Variants in ANO3 observed in about 807,000 individuals in gnomAD.
ANO3 encodes anoctamin 3.
In ANO3, 99 loss-of-function variants were observed where a neutral mutation model predicts 144.8. The observed-to-expected ratio is 0.68, with a 90% CI of 0.58 to 0.81. The LOEUF is 0.81. Among genes scored for constraint, ANO3 ranks in the 30% least tolerant of loss-of-function variants. The pLI is 0.00. For missense variants in ANO3, 905 were observed against 1,202.2 expected (o/e 0.75, Z 3.66); for synonymous variants, 414 against 392.6 (o/e 1.05, Z -0.64).
At chr11:26,546,030 A>G (rs978543225) in intron 11 of ANO3, among the ~76,000 whole-genome samples, 4 of 151,926 alleles carry the variant, frequency 2.6e-5, no homozygotes, top group Non-Finnish European at 5.9e-5. Flanking sequence ...TATCATACTG[A>G]TATAGATAAT....
chr11:26,237,898 C>T (rs1852570683), intron 1 of ANO3, among the ~76,000 whole-genome samples: 1 of 152,062 alleles, frequency 6.6e-6, no homozygotes, highest in South Asian at 2.1e-4. Context: ...GTGTTTATGA[C>T]TGTCACAAGT....
chr11:26,657,275 A>G (rs1853718136), intron 26 of ANO3, among the ~76,000 whole-genome samples: 1 of 152,158 alleles, frequency 6.6e-6, no homozygotes, highest in Non-Finnish European at 1.5e-5. Flanking sequence ...TTTTTAGTGA[A>G]GTATCCTTCA....
upstream of ANO3, among the ~76,000 whole-genome samples, chr11:26,305,575 A>T (rs1032158074): frequency 1.3e-5 from 2 of 152,158 alleles, no homozygotes; most frequent in Non-Finnish European, 2.9e-5. Flanking sequence ...AGTAGTCTGC[A>T]GAGACTTTTT....
intron 4 of ANO3, among the ~76,000 whole-genome samples, chr11:26,486,360 C>CAAAAAAAAAA (rs10681114): frequency 2.7e-5 from 2 of 74,334 alleles, no homozygotes; most frequent in Non-Finnish European, 5.2e-5. Flanking sequence ...GACTCTGTCT[C>CAAAAAAAAAA]AAAAAAAAAA....
rs980306523 is a variant in ANO3 at position 26,297,432 on chromosome 11, A to G, written c.155-12213A>G. On this transcript the variant is annotated intron_variant, in intron 1 of 27. Transcript: ENST00000672621. Reference sequence around the variant, plus strand: ...CTTGCATAAGCCATAAGCACTTGTAATTATGCGGAACACAGGCAGTGGGCT... The same window carrying G: ...CTTGCATAAGCCATAAGCACTTGTAGTTATGCGGAACACAGGCAGTGGGCT... Among the ~76,000 whole-genome samples the G allele has an allele frequency of 3.3e-5, 5 of 152,178 alleles. No individual in the cohort carries two copies. The East Asian group carries it at 9.6e-4, about 29-fold the overall frequency.
intron 4 of ANO3, among the ~76,000 whole-genome samples, chr11:26,480,822 T>C (rs1860186467): frequency 6.6e-6 from 1 of 151,708 alleles, no homozygotes; most frequent in South Asian, 2.1e-4. Flanking sequence ...ACAATATAAA[T>C]AAATAAATAA....
At chr11:26,521,856 T>C (rs1413559189) in intron 6 of ANO3, among the ~76,000 whole-genome samples, 1 of 152,160 alleles carries the variant, frequency 6.6e-6, no homozygotes, top group East Asian at 1.9e-4. Context: ...CCCACAAATA[T>C]TTTAAACAAA....
rs1554967685 is a variant in ANO3 at position 26,544,251 on chromosome 11, C to CATAT, written c.1154+2203_1154+2206dup. Among the ~76,000 whole-genome samples the CATAT allele has an allele frequency of 3.5e-3, 133 of 38,460 alleles. 7 individuals carry two copies. The highest frequency in any genetic ancestry group is 0.025 in the Middle Eastern group (1 of 40). 25.2% of individuals were successfully genotyped at this position (38,460 alleles called of 152,430 possible). A position where few individuals can be genotyped will look rare whatever the true frequency, so the allele number is the denominator to read the frequency against. ...TAAGGTTAAGTAGTATTTCATTATACATATATATATATATATATATATACA... is the reference window on the plus strand; with the variant it reads ...TAAGGTTAAGTAGTATTTCATTATACATATATATATATATATATATATATATACA... On this transcript the variant is annotated intron_variant, in intron 11 of 26. Transcript: ENST00000256737.
chr11:26,553,610 T>G (rs1415856458), intron 13 of ANO3, among the ~76,000 whole-genome samples: 1 of 152,176 alleles, frequency 6.6e-6, no homozygotes, highest in African/African-American at 2.4e-5. Flanking sequence ...TAATTATATC[T>G]AGATTCTTTT....
intron 1 of ANO3, among the ~76,000 whole-genome samples, chr11:26,441,359 C>T (rs559454969): frequency 1.3e-5 from 2 of 151,106 alleles, no homozygotes; most frequent in Non-Finnish European, 1.5e-5. Context: ...CCTTGTGATC[C>T]GCCCGCCTCG....
At chr11:26,480,816 T>TATAAATAAATAAATAA (rs549373673) in intron 4 of ANO3, among the ~76,000 whole-genome samples, 1 of 151,188 alleles carries the variant, frequency 6.6e-6, no homozygotes, top group Admixed American at 6.6e-5. Flanking sequence ...TCAAAAACAA[T>TATAAATAAATAAATAA]ATAAATAAAT....
intron 1 of ANO3, among the ~76,000 whole-genome samples, chr11:26,360,330 G>C (rs1369338646): frequency 1.3e-5 from 2 of 151,892 alleles, no homozygotes; most frequent in East Asian, 1.9e-4. Flanking sequence ...ATGCTACCCA[G>C]AATGTCTGTG....
At chr11:26,239,099 G>A (rs900736215) in intron 1 of ANO3, among the ~76,000 whole-genome samples, 1 of 150,032 alleles carries the variant, frequency 6.7e-6, no homozygotes, top group Admixed American at 6.7e-5. Flanking sequence ...ACAGCTTGAG[G>A]TTCATGTTTC....
chr11:26,309,673 T>TGAGCTTGA lies in ANO3; in HGVS notation c.-46_-39dup. 10 of 985,166 alleles carry TGAGCTTGA rather than the reference T, an allele frequency of 1.0e-5. No individual in the cohort carries two copies. In the South Asian group the frequency reaches 4.2e-4, roughly 42 times the overall value. 61.0% of individuals were successfully genotyped at this position (985,166 alleles called of 1,614,324 possible). A position where few individuals can be genotyped will look rare whatever the true frequency, so the allele number is the denominator to read the frequency against. On this transcript the variant is annotated 5_prime_UTR_variant, in exon 1 of 27. Transcript: ENST00000525139. ...TGCAAAAGTTGTGCTTTTCTCATCG[T>TGAGCTTGA]GAGCTTGAGAAGAGTGTGTGGGCTG... is the stretch of plus-strand genomic sequence containing the variant.
chr11:26,252,075 T>C (rs1012720953), intron 1 of ANO3, among the ~76,000 whole-genome samples: 2 of 152,214 alleles, frequency 1.3e-5, no homozygotes, highest in African/African-American at 4.8e-5. Context: ...ATAATTTAAA[T>C]ACATAACCAG....
intron 1 of ANO3, among the ~76,000 whole-genome samples, chr11:26,424,773 T>G (rs1228736603): frequency 6.6e-6 from 1 of 152,106 alleles, no homozygotes; most frequent in Non-Finnish European, 1.5e-5. Flanking sequence ...TGCTATTTCT[T>G]GGACCTACTA....
chr11:26,306,984 G>A (rs989600411), upstream of ANO3, among the ~76,000 whole-genome samples: 1 of 151,844 alleles, frequency 6.6e-6, no homozygotes, highest in African/African-American at 2.4e-5. Flanking sequence ...ATAATCTATG[G>A]GGCCTTAAAC....
chr11:26,466,187 T>C (rs1455628161), intron 4 of ANO3, among the ~76,000 whole-genome samples: 3 of 151,902 alleles, frequency 2.0e-5, no homozygotes, highest in Non-Finnish European at 4.4e-5. Context: ...TGGGATGCAG[T>C]TTAGGAATTC....
chr11:26,461,728 A>G (rs1859402736), intron 3 of ANO3, among the ~76,000 whole-genome samples: 1 of 152,078 alleles, frequency 6.6e-6, no homozygotes, highest in African/African-American at 2.4e-5. Context: ...AATTTGTTTC[A>G]GTTTTAGATG....
Sources: allele counts gnomAD v4.1 joint callset (sites outside exome capture counted in the v4.1 genomes callset), GRCh38; gene constraint gnomAD v4.1.1; transcripts MANE v1.5; gene names NCBI Gene and HGNC (gene_info 2026-07-23, HGNC 2026-07-21).